ITSN1: variants seen among roughly 807,000 people sequenced by gnomAD.
The protein encoded by ITSN1 is intersectin-1.
Under a neutral mutation model 239.8 loss-of-function variants are expected in ITSN1, and 58 were observed. The ratio of observed to expected loss-of-function variants is 0.24; its 90% confidence interval spans 0.20 to 0.30. The LOEUF (loss-of-function observed/expected upper bound fraction) is 0.30, where lower values mean the gene tolerates loss of function less well. ITSN1 is among the 10% of genes least tolerant of loss of function. The probability of loss-of-function intolerance (pLI) is 1.00; values close to 1 mark genes in which losing one functional copy is unlikely to be tolerated. For missense variants in ITSN1, 1,558 were observed against 2,103.3 expected, an observed-to-expected ratio of 0.74 and a Z score of 5.07; for synonymous variants, 780 against 770.8, an observed-to-expected ratio of 1.01 and a Z score of -0.20.
At position 33,762,270 on chromosome 21, in the gene ITSN1, CT is replaced by C. The variant is rs1218226970; in HGVS notation, c.788+297del. Among the ~76,000 whole-genome samples the C allele has an allele frequency of 2.6e-3, 372 of 144,098 alleles. 1 individual carries two copies. The highest frequency in any genetic ancestry group is 3.9e-3 in the African/African-American group (154 of 39,694). The allele number at this position is 144,098 out of a possible 152,430, so 94.5% of individuals were successfully genotyped here. On this transcript the variant is annotated intron_variant, in intron 9 of 39. Transcript: ENST00000381318. ...CTCTCCCTGTCTTTGATTTCTTTTT[CT>C]TTTTTTTTTTTTGAGATGGAGTTTT... is the stretch of plus-strand genomic sequence containing the variant.
chr21:33,749,190 A>G lies in ITSN1; in HGVS notation c.347-953A>G, dbSNP rs2067384921. Among the ~76,000 whole-genome samples, 5 of 151,914 alleles carry G rather than the reference A, an allele frequency of 3.3e-5. No individual in the cohort carries two copies. In the South Asian group the frequency reaches 8.3e-4, roughly 25 times the overall value. On this transcript the variant is annotated intron_variant, in intron 5 of 39. Transcript: ENST00000381318. ...TTTTTTGTAGAGATGGGATTTTGCT[A>G]TGTTGCCCTGTCTGGTTTTGGACTC...
chr21:33,676,896 C>T (rs1321735925), intron 1 of ITSN1, among the ~76,000 whole-genome samples: 2 of 151,652 alleles, frequency 1.3e-5, no homozygotes, highest in African/African-American at 4.8e-5. Context: ...GTATATGTGC[C>T]ACATTTTCGA....
intron 24 of ITSN1, among the ~76,000 whole-genome samples, chr21:33,820,027 G>A (rs1188444312): frequency 6.6e-6 from 1 of 151,924 alleles, no homozygotes; most frequent in Non-Finnish European, 1.5e-5. Context: ...TAACTACACA[G>A]ACCACTAGAG....
chr21:33,737,006 A>G (rs1454443558), intron 5 of ITSN1, among the ~76,000 whole-genome samples: 1 of 152,018 alleles, frequency 6.6e-6, no homozygotes, highest in East Asian at 1.9e-4. Flanking sequence ...ACAAAAAACA[A>G]CGGTATTTGG....
At chr21:33,694,453 ATTTTC>A (rs1417533386) in intron 1 of ITSN1, among the ~76,000 whole-genome samples, 12 of 152,284 alleles carry the variant, frequency 7.9e-5, no homozygotes, top group Non-Finnish European at 1.3e-4. Flanking sequence ...ATTTTGGATT[ATTTTC>A]TTATGGCAGA....
At chr21:33,885,220 C>A in intron 37 of ITSN1, 97 bp downstream of exon 37, 1 of 1,139,368 alleles carries the variant, frequency 8.8e-7, no homozygotes. Context: ...ATCCCCTGGA[C>A]CTAGAGGAGG....
At chr21:33,700,663 G>C (rs1173680040) in intron 1 of ITSN1, among the ~76,000 whole-genome samples, 1 of 152,082 alleles carries the variant, frequency 6.6e-6, no homozygotes, top group African/African-American at 2.4e-5. Flanking sequence ...GACTCCAGCA[G>C]CGCGGGTTGG....
At chr21:33,751,587 A>C (rs887099606) in intron 6 of ITSN1, among the ~76,000 whole-genome samples, 1 of 152,234 alleles carries the variant, frequency 6.6e-6, no homozygotes, top group African/African-American at 2.4e-5. Context: ...GGAAATCAGC[A>C]TTACTACATA....
At chr21:33,714,797 A>G (rs1255784608) in intron 1 of ITSN1, among the ~76,000 whole-genome samples, 1 of 152,208 alleles carries the variant, frequency 6.6e-6, no homozygotes, top group East Asian at 1.9e-4. Flanking sequence ...TTTGTTGCAT[A>G]GTATTATGTA....
chr21:33,810,566 A>G (rs1425320941), intron 20 of ITSN1, among the ~76,000 whole-genome samples: 2 of 152,174 alleles, frequency 1.3e-5, no homozygotes, highest in East Asian at 3.9e-4. Flanking sequence ...TACTGAATTT[A>G]TATTGATTGC....
At chr21:33,839,098 T>C (rs777333664) in intron 29 of ITSN1, among the ~76,000 whole-genome samples, 30 of 152,164 alleles carry the variant, frequency 2.0e-4, no homozygotes, top group Non-Finnish European at 4.3e-4. Context: ...TCAGCAGATA[T>C]TTGGTGGGGG....
chr21:33,669,751 T>A (rs2146358542), intron 1 of ITSN1, among the ~76,000 whole-genome samples: 1 of 152,284 alleles, frequency 6.6e-6, no homozygotes, highest in East Asian at 1.9e-4. Flanking sequence ...CTCATTTAAG[T>A]TTTAATATGT....
Position 33,782,108 on chromosome 21 carries a change from T to C in ITSN1, c.1799T>C (p.Ile600Thr), listed in dbSNP as rs887041382. 6.6e-5 allele frequency: 106 copies of C among 1,613,762 alleles called. No homozygotes were observed. Among genetic ancestry groups the C allele is most frequent in the Non-Finnish European group, 8.1e-5 (96 of 1,179,880 alleles). ...EKETRSKLQE[I>T]DIFNNQLKEL... ...GAAACTAGATCAAAACTACAGGAGA[T>C]TGATATTTTCAATAATCAGCTGAAG... Residue 600 changes from isoleucine to threonine, a missense_variant, in exon 16 of 40, where the codon ATT becomes ACT. Physicochemically the swap from Ile to Thr is moderately conservative, Grantham distance 89. This residue lies in a region of ITSN1 where 982 missense variants were observed against 1,209.9 expected (regional missense o/e 0.81). Coordinates refer to ENST00000381318, the MANE Select transcript of ITSN1 (RefSeq NM_003024.3).
chr21:33,800,020 A>C, intron 19 of ITSN1, 91 bp downstream of exon 19: 1 of 1,330,344 alleles, frequency 7.5e-7, no homozygotes. Flanking sequence ...TGAGATTGTC[A>C]GTGAGTATGA....
chr21:33,728,274 C>A (rs1011911188), intron 4 of ITSN1, among the ~76,000 whole-genome samples: 1 of 150,776 alleles, frequency 6.6e-6, no homozygotes, highest in African/African-American at 2.4e-5. Context: ...CAGGAATAAT[C>A]TTTTGAGGAG....
At chr21:33,656,659 C>T (rs749956266) in intron 1 of ITSN1, among the ~76,000 whole-genome samples, 22 of 152,170 alleles carry the variant, frequency 1.4e-4, no homozygotes, top group Non-Finnish European at 2.1e-4. Context: ...CCTCAGCCCC[C>T]GGAGTAGGTA....
intron 7 of ITSN1, among the ~76,000 whole-genome samples, chr21:33,754,016 T>C (rs2067747654): frequency 6.6e-6 from 1 of 152,276 alleles, no homozygotes; most frequent in Non-Finnish European, 1.5e-5. Flanking sequence ...GTTTTTAGTC[T>C]ATTTAAATTC....
intron 1 of ITSN1, among the ~76,000 whole-genome samples, chr21:33,692,027 T>A (rs900627141): frequency 6.6e-6 from 1 of 152,098 alleles, no homozygotes; most frequent in African/African-American, 2.4e-5. Context: ...TGATCAAATA[T>A]CAAAGGTGAT....
chr21:33,817,611 A>G lies in ITSN1; in HGVS notation c.2728-656A>G, dbSNP rs556471061. The stretch of plus-strand genomic sequence containing the variant: ...CCTGCTAGTAATACTGCCCATCTTT[A>G]TAGTGCTTTGTGGTTAATAAAGTGC... On this transcript the variant is annotated intron_variant, in intron 22 of 39. Coordinates refer to ENST00000381318, the MANE Select transcript of ITSN1 (RefSeq NM_003024.3). The G allele has an allele frequency of 5.7e-5, 73 of 1,285,726 alleles. No homozygotes were observed. In the East Asian group the frequency reaches 3.7e-3, roughly 65 times the overall value. The allele number at this position is 1,285,726 out of a possible 1,614,324, so 79.6% of individuals were successfully genotyped here.
Sources: gnomAD v4.1 joint callset for allele counts (sites outside exome capture counted in the v4.1 genomes callset) on GRCh38, gnomAD v4.1.1 for gene constraint, gnomAD v4.1.1 regional missense constraint, MANE v1.5 for transcripts, NCBI Gene and HGNC (gene_info 2026-07-23, HGNC 2026-07-21) for gene names.